The following PRUNE2 variants were observed in gnomAD, a reference collection of about 807,000 sequenced individuals.
PRUNE2 encodes protein prune homolog 2.
A neutral mutation model predicts 252.0 loss-of-function variants in PRUNE2; 164 were observed. The observed-to-expected ratio is 0.65, with a 90% CI of 0.57 to 0.74. The LOEUF is 0.74. Among genes scored for constraint, PRUNE2 ranks in the 30% least tolerant of loss-of-function variants. The pLI is 0.00. For missense variants in PRUNE2, 3,495 were observed against 3,711.0 expected, an observed-to-expected ratio of 0.94 and a Z score of 1.51; for synonymous variants, 1,292 against 1,350.2, an observed-to-expected ratio of 0.96 and a Z score of 0.94.
intron 1 of PRUNE2, among the ~76,000 whole-genome samples, chr9:76,878,925 T>G (rs2061606190): frequency 6.6e-6 from 1 of 152,238 alleles, no homozygotes; most frequent in Non-Finnish European, 1.5e-5. Flanking sequence ...TTTTTTGTTT[T>G]GTTTTCCACT....
chr9:76,754,964 CAAAAAAAAAA>C (rs11292120), intron 6 of PRUNE2, among the ~76,000 whole-genome samples: 1 of 67,964 alleles, frequency 1.5e-5, no homozygotes, highest in Non-Finnish European at 3.1e-5. Context: ...GACTCGGTCT[CAAAAAAAAAA>C]AAAAAAAAAA....
In PRUNE2 at chr9:76,703,388, T is replaced by A. The variant is rs560489130; in HGVS notation, c.8225A>T (p.Glu2742Val). 2 of 1,612,408 alleles carry A rather than the reference T, an allele frequency of 1.2e-6. No homozygotes were observed. Among genetic ancestry groups the A allele is most frequent in the Admixed American group, 3.3e-5 (2 of 59,844 alleles). Reference protein sequence around the residue: ...QKNMIPDTEMEEETEFLELGT... With the variant: ...QKNMIPDTEMVEETEFLELGT... ...GAGCTCAAGGAACTCTGTCTCCTCC[T>A]CCATTTCCGTGTCAGGGATCATGTT... The change falls in exon 9 of 19, where the codon GAG becomes GTG. Residue 2742 changes from glutamate to valine, a missense_variant. Physicochemically the swap from Glu to Val is moderately radical, Grantham distance 121 (BLOSUM62 -2). Coordinates refer to ENST00000376718, the MANE Select transcript of PRUNE2 (RefSeq NM_015225.3).
At chr9:76,678,121 G>A (rs979561705) in intron 9 of PRUNE2, among the ~76,000 whole-genome samples, 2 of 152,086 alleles carry the variant, frequency 1.3e-5, no homozygotes, top group Admixed American at 6.5e-5. Context: ...TGTAATCCCA[G>A]CACTTTGAGA....
chr9:76,881,684 C>T (rs1006675976), intron 1 of PRUNE2, among the ~76,000 whole-genome samples: 4 of 151,510 alleles, frequency 2.6e-5, no homozygotes, highest in Admixed American at 6.6e-5. Context: ...TGCAGTGGCA[C>T]GATCTTGGCT....
chr9:76,866,421 G>A (rs2060840778), intron 1 of PRUNE2, among the ~76,000 whole-genome samples: 1 of 152,118 alleles, frequency 6.6e-6, no homozygotes. Context: ...AGTGTTTTTT[G>A]CGATATTTTG....
chr9:76,733,921 AGTT>A (rs151283845), intron 6 of PRUNE2, among the ~76,000 whole-genome samples: 7,791 of 148,540 alleles, frequency 0.052, 583 homozygotes, highest in African/African-American at 0.18. Flanking sequence ...TAAAAGTTTT[AGTT>A]GTTTTTTTTT....
intron 9 of PRUNE2, among the ~76,000 whole-genome samples, chr9:76,661,565 G>A (rs12000064): frequency 0.013 from 1,938 of 152,240 alleles, 43 homozygotes; most frequent in African/African-American, 0.043. Flanking sequence ...TTAATGCCCA[G>A]CAAAACAGAC....
At chr9:76,888,082 G>C (rs1367853475) in intron 1 of PRUNE2, among the ~76,000 whole-genome samples, 3 of 152,136 alleles carry the variant, frequency 2.0e-5, no homozygotes, top group East Asian at 1.9e-4. Context: ...ACACATCAGA[G>C]AAGCACAGTG....
intron 6 of PRUNE2, among the ~76,000 whole-genome samples, chr9:76,760,568 C>T (rs1273140991): frequency 1.3e-5 from 2 of 152,166 alleles, no homozygotes; most frequent in Non-Finnish European, 2.9e-5. Flanking sequence ...TTAGTCCACA[C>T]TACATGCTGC....
chr9:76,743,056 T>G (rs1000463675), intron 6 of PRUNE2, among the ~76,000 whole-genome samples: 1 of 152,182 alleles, frequency 6.6e-6, no homozygotes, highest in African/African-American at 2.4e-5. Context: ...TCTGATGGTT[T>G]TATAAGGGGC....
At chr9:76,669,251 T>G (rs2040827768) in intron 9 of PRUNE2, among the ~76,000 whole-genome samples, 1 of 152,052 alleles carries the variant, frequency 6.6e-6, no homozygotes, top group African/African-American at 2.4e-5. Context: ...GTGATCACAC[T>G]GTGTACAAGA....
intron 1 of PRUNE2, among the ~76,000 whole-genome samples, chr9:76,872,850 T>G (rs2061294732): frequency 6.6e-6 from 1 of 152,158 alleles, no homozygotes; most frequent in Admixed American, 6.5e-5. Flanking sequence ...CAAATACATA[T>G]GTTGGTGTCC....
At chr9:76,663,063 A>C (rs938097667) in intron 9 of PRUNE2, among the ~76,000 whole-genome samples, 1 of 152,238 alleles carries the variant, frequency 6.6e-6, no homozygotes, top group African/African-American at 2.4e-5. Flanking sequence ...GCTCCATTTA[A>C]GCCAGCAGTA....
At chr9:76,780,870 G>T (rs972160343) in intron 6 of PRUNE2, among the ~76,000 whole-genome samples, 2 of 152,122 alleles carry the variant, frequency 1.3e-5, no homozygotes, top group Non-Finnish European at 2.9e-5. Context: ...CCAGGACCAC[G>T]CAGGCTACGC....
At chr9:76,790,003 C>T (rs1415754100) in intron 6 of PRUNE2, among the ~76,000 whole-genome samples, 2 of 152,102 alleles carry the variant, frequency 1.3e-5, no homozygotes, top group African/African-American at 4.8e-5. Context: ...AGGGGTGGGG[C>T]CACTTCTAAG....
Position 76,905,968 on chromosome 9 carries a change from T to A in PRUNE2, c.-5A>T. The A allele has an allele frequency of 6.2e-7, 1 of 1,614,104 alleles. No homozygotes were observed. Among genetic ancestry groups the A allele is most frequent in the South Asian group, 1.1e-5 (1 of 91,080 alleles). On this transcript the variant is annotated 5_prime_UTR_variant, in exon 1 of 19. Coordinates refer to ENST00000376718, the MANE Select transcript of PRUNE2 (RefSeq NM_015225.3). ...GCGTTGCAAAAATTCTTCCATGTCG[T>A]GGCTAGGGGTTTGGAACCCGGGTAC...
Position 76,638,284 on chromosome 9 carries a change from G to T in PRUNE2, c.8733C>A (p.Tyr2911Ter). 1 of 1,610,514 alleles carries T rather than the reference G, an allele frequency of 6.2e-7. No homozygotes were observed. The highest frequency in any genetic ancestry group is 1.1e-5 in the South Asian group (1 of 91,000). The change falls in exon 13 of 19, where the codon TAC becomes TAA. Residue 2911 changes from tyrosine to a stop codon, truncating the protein, a stop_gained. Transcript: ENST00000376718. LOFTEE classifies it high-confidence loss of function. Reference protein sequence around the residue: ...PYRRVISHGGYYGDGLNAIIV... With the variant: ...PYRRVISHGG ...TGATGGCATTTAGACCGTCCCCATA[G>T]TATCCTGGGGGACAAACAAAAAGAC... is the stretch of plus-strand genomic sequence containing the variant.
intron 6 of PRUNE2, among the ~76,000 whole-genome samples, chr9:76,756,804 G>C (rs1040719620): frequency 2.0e-5 from 3 of 152,116 alleles, no homozygotes; most frequent in Non-Finnish European, 2.9e-5. Flanking sequence ...GGGACAGGGG[G>C]GTGCCTTGAT....
chr9:76,797,038 T>C (rs59963908), intron 6 of PRUNE2, among the ~76,000 whole-genome samples: 6 of 151,640 alleles, frequency 4.0e-5, no homozygotes, highest in African/African-American at 1.5e-4. Context: ...CACTCACACA[T>C]ACACACACAC....
Sources: gnomAD v4.1 joint callset for allele counts (sites outside exome capture counted in the v4.1 genomes callset) on GRCh38, gnomAD v4.1.1 for gene constraint, MANE v1.5 for transcripts, NCBI Gene and HGNC (gene_info 2026-07-23, HGNC 2026-07-21) for gene names.